SORCS2: variants seen among roughly 807,000 people sequenced by gnomAD.
The protein encoded by SORCS2 is sortilin related VPS10 domain containing receptor 2.
Under a neutral mutation model 141.6 loss-of-function variants are expected in SORCS2, and 100 were observed. The observed-to-expected ratio is 0.71, with a 90% CI of 0.60 to 0.83. The LOEUF (loss-of-function observed/expected upper bound fraction) is 0.83. Ranked by LOEUF, SORCS2 falls within the 40% of genes least tolerant of loss-of-function variation. SORCS2 has a pLI of 0.00. For missense variants in SORCS2, 1,646 were observed against 1,560.2 expected (o/e 1.05, Z -0.93); for synonymous variants, 789 against 676.9 (o/e 1.17, Z -2.57).
intron 3 of SORCS2, among the ~76,000 whole-genome samples, chr4:7,601,082 C>T (rs987333601): frequency 9.9e-5 from 15 of 152,082 alleles, no homozygotes; most frequent in African/African-American, 2.2e-4. Flanking sequence ...AACAGGGTTT[C>T]GCCGTGTTTC....
chr4:7,675,370 C>G (rs1402200698), intron 8 of SORCS2, among the ~76,000 whole-genome samples: 1 of 152,116 alleles, frequency 6.6e-6, no homozygotes, highest in Non-Finnish European at 1.5e-5. Flanking sequence ...CCAGACTGTG[C>G]CCCCAGGGCT....
intron 1 of SORCS2, among the ~76,000 whole-genome samples, chr4:7,337,147 A>G (rs555011186): frequency 6.6e-6 from 1 of 152,096 alleles, no homozygotes; most frequent in African/African-American, 2.4e-5. Flanking sequence ...TTTAGTCTAG[A>G]ATTGCAGAAG....
At chr4:7,703,441 C>T in intron 13 of SORCS2, 70 bp downstream of exon 13, 1 of 1,264,252 alleles carries the variant, frequency 7.9e-7, no homozygotes, top group Non-Finnish European at 1.1e-6. Flanking sequence ...TGGGAACCCT[C>T]TCAGACTAGT....
intron 2 of SORCS2, among the ~76,000 whole-genome samples, chr4:7,507,104 T>C (rs1485454282): frequency 6.6e-6 from 1 of 152,254 alleles, no homozygotes; most frequent in African/African-American, 2.4e-5. Context: ...TGTGGTATTT[T>C]AGACCCAACC....
At chr4:7,218,380 G>A (rs1049856270) in intron 1 of SORCS2, among the ~76,000 whole-genome samples, 5 of 152,314 alleles carry the variant, frequency 3.3e-5, no homozygotes, top group African/African-American at 1.2e-4. Context: ...TATTTTTACC[G>A]TGGCAGAGAC....
chr4:7,714,334 C>T lies in SORCS2; in HGVS notation c.2084C>T (p.Thr695Met), dbSNP rs16840892. The T allele has an allele frequency of 0.031, 49,320 of 1,572,964 alleles. 4,247 individuals are homozygous for T. The highest frequency in any genetic ancestry group is 0.3 in the East Asian group (12,767 of 42,324). The change falls in exon 16 of 27, where the codon ACG becomes ATG. Residue 695 changes from threonine to methionine, a missense_variant. Thr to Met is a moderately conservative substitution (Grantham distance 81). Coordinates refer to ENST00000507866, the MANE Select transcript of SORCS2 (RefSeq NM_020777.3). ...IKGRSFTSAL[T>M]SRVCECRDSD... ...GGGAGGAGCTTCACGTCGGCGCTCACGTCCCGCGTGTGCGAGTGCCGGGAC... is the reference window on the plus strand; with the variant it reads ...GGGAGGAGCTTCACGTCGGCGCTCATGTCCCGCGTGTGCGAGTGCCGGGAC...
intron 3 of SORCS2, among the ~76,000 whole-genome samples, chr4:7,551,482 C>A (rs533068605): frequency 6.6e-6 from 1 of 152,188 alleles, no homozygotes; most frequent in Non-Finnish European, 1.5e-5. Context: ...AGCCAGAGGG[C>A]AGTCAAGGGC....
chr4:7,706,217 T>C lies in SORCS2; in HGVS notation c.1868+1933T>C, dbSNP rs369435963. On this transcript the variant is annotated intron_variant, in intron 14 of 26. Coordinates refer to ENST00000507866, the MANE Select transcript of SORCS2 (RefSeq NM_020777.3). ...TGGGCAGGGATGAGGCTGGGCTCCG[T>C]CTGGGCAGGGATGAGGCTGCGCTCC... is the stretch of plus-strand genomic sequence containing the variant. 3.9e-4 allele frequency among the ~76,000 whole-genome samples: 21 copies of C among 53,840 alleles called. 3 individuals are homozygous for C. Among genetic ancestry groups the C allele is most frequent in the East Asian group, 1.4e-3 (1 of 736 alleles). The allele number at this position is 53,840 out of a possible 152,430, so 35.3% of individuals were successfully genotyped here.
intron 2 of SORCS2, chr4:7,433,698 G>A (rs1329603051): frequency 6.2e-7 from 1 of 1,612,870 alleles, no homozygotes; most frequent in Admixed American, 1.7e-5. Flanking sequence ...CATTGCAGAA[G>A]CTGCCCTGGT....
chr4:7,363,302 C>T (rs1010694100), intron 1 of SORCS2, among the ~76,000 whole-genome samples: 69 of 151,288 alleles, frequency 4.6e-4, no homozygotes, highest in African/African-American at 1.7e-3. Context: ...CCACCACTAC[C>T]TTCACTGCCA....
chr4:7,647,278 C>T (rs191806668), intron 4 of SORCS2, among the ~76,000 whole-genome samples: 2 of 152,280 alleles, frequency 1.3e-5, no homozygotes, highest in African/African-American at 4.8e-5. Flanking sequence ...ATTTAGCAAT[C>T]GTGGGTGCTT....
chr4:7,616,039 A>G (rs576026726), intron 3 of SORCS2, among the ~76,000 whole-genome samples: 1 of 152,242 alleles, frequency 6.6e-6, no homozygotes, highest in Non-Finnish European at 1.5e-5. Flanking sequence ...AAATTCAAAT[A>G]TAACTGGGTG....
At chr4:7,427,596 G>A (rs941468626) in intron 2 of SORCS2, among the ~76,000 whole-genome samples, 16 of 152,114 alleles carry the variant, frequency 1.1e-4, no homozygotes, top group African/African-American at 3.4e-4. Context: ...AGAAATGCCC[G>A]AGTCTGGGTT....
chr4:7,494,789 CG>C (rs10717076), intron 2 of SORCS2, among the ~76,000 whole-genome samples: 145,823 of 152,190 alleles, frequency 0.96, 70,080 homozygotes, highest in East Asian at 1. Flanking sequence ...CAGTGGTTGG[CG>C]GTAAGGGGTG....
Position 7,676,218 on chromosome 4 carries a change from G to A in SORCS2, c.1330G>A (p.Asp444Asn), listed in dbSNP as rs925353483. Residue 444 changes from aspartate (D) to asparagine (N), a missense_variant, in exon 9 of 27, where the codon GAC becomes AAC. Asp to Asn is a conservative substitution (Grantham distance 23). Coordinates refer to ENST00000507866, the MANE Select transcript of SORCS2 (RefSeq NM_020777.3). ...GCAGGCGGAGGAGAGCGTGCTCATC[G>A]ACATCCTGGAGGTGGGTCCAGGGTG... ...SRQAEESVLI[D>N]ILEVRGVKGV... 5.8e-6 allele frequency: 9 copies of A among 1,550,672 alleles called. No individual in the cohort carries two copies. The African/African-American group carries it at 8.2e-5, about 14-fold the overall frequency.
At chr4:7,374,675 G>T (rs1457543018) in intron 1 of SORCS2, among the ~76,000 whole-genome samples, 3 of 152,058 alleles carry the variant, frequency 2.0e-5, no homozygotes, top group Non-Finnish European at 4.4e-5. Context: ...GTCCCCGATC[G>T]CTGAACAGCC....
intron 14 of SORCS2, among the ~76,000 whole-genome samples, chr4:7,704,726 G>T (rs1057281698): frequency 3.3e-5 from 5 of 152,224 alleles, no homozygotes; most frequent in African/African-American, 1.2e-4. Context: ...AGCCTCTGTC[G>T]TTCAGAGCCT....
intron 1 of SORCS2, among the ~76,000 whole-genome samples, chr4:7,393,420 G>A (rs969506214): frequency 1.1e-4 from 17 of 152,320 alleles, no homozygotes; most frequent in Middle Eastern, 6.8e-3. Flanking sequence ...AGGGCATGTC[G>A]TAAGTGTTGG....
chr4:7,566,738 A>G (rs1715046208), intron 3 of SORCS2, among the ~76,000 whole-genome samples: 1 of 152,256 alleles, frequency 6.6e-6, no homozygotes, highest in Non-Finnish European at 1.5e-5. Context: ...GGCTAGAGCT[A>G]GTCACATGGC....
Sources: gnomAD v4.1 joint callset for allele counts (sites outside exome capture counted in the v4.1 genomes callset) on GRCh38, gnomAD v4.1.1 for gene constraint, MANE v1.5 for transcripts, NCBI Gene and HGNC (gene_info 2026-07-23, HGNC 2026-07-21) for gene names.